The following KCNH5 variants were observed in gnomAD, a reference collection of about 807,000 sequenced individuals.
The protein encoded by KCNH5 is voltage-gated delayed rectifier potassium channel KCNH5.
In KCNH5, 46 loss-of-function variants were observed where a neutral mutation model predicts 96.1. The observed-to-expected ratio is 0.48, with a 90% CI of 0.38 to 0.61. KCNH5 has a LOEUF of 0.61. Among genes scored for constraint, KCNH5 ranks in the 20% least tolerant of loss-of-function variants. The pLI, the probability that KCNH5 is intolerant of heterozygous loss-of-function variation, is 0.00. For synonymous variants in KCNH5, 439 were observed against 449.8 expected, an observed-to-expected ratio of 0.98 and a Z score of 0.30; for missense variants, 907 against 1,225.8, an observed-to-expected ratio of 0.74 and a Z score of 3.88.
At chr14:62,832,740 C>A (rs1887381435) in intron 8 of KCNH5, among the ~76,000 whole-genome samples, 1 of 152,104 alleles carries the variant, frequency 6.6e-6, no homozygotes, top group African/African-American at 2.4e-5. Context: ...TATAAGCATT[C>A]CAGTTTCTCT....
intron 2 of KCNH5, among the ~76,000 whole-genome samples, chr14:63,008,201 G>A (rs1024076360): frequency 2.0e-5 from 3 of 152,044 alleles, no homozygotes; most frequent in Admixed American, 2.0e-4. Context: ...CCAAAGTGTG[G>A]TGGAGGCTGA....
intron 6 of KCNH5, among the ~76,000 whole-genome samples, chr14:62,964,059 TGAA>T (rs749725432): frequency 1.3e-5 from 2 of 152,112 alleles, no homozygotes; most frequent in Non-Finnish European, 2.9e-5. Flanking sequence ...GTGAGATACA[TGAA>T]GAAGGAGTTC....
At chr14:62,768,570 CT>C (rs1338351810) in intron 10 of KCNH5, among the ~76,000 whole-genome samples, 26 of 152,096 alleles carry the variant, frequency 1.7e-4, no homozygotes, top group African/African-American at 5.8e-4. Context: ...AAACAAATGT[CT>C]CAAATAGATT....
chr14:62,712,496 T>C, intron 10 of KCNH5: 1 of 611,746 alleles, frequency 1.6e-6, no homozygotes, highest in Non-Finnish European at 2.9e-6. Flanking sequence ...TTAAGTGGTT[T>C]CCCTTAGGTC....
intron 1 of KCNH5, among the ~76,000 whole-genome samples, chr14:63,024,289 C>T (rs1594680666): frequency 6.6e-6 from 1 of 151,496 alleles, no homozygotes; most frequent in East Asian, 1.9e-4. Context: ...CAATAAAAAT[C>T]GTTTTTAGAG....
At chr14:63,010,914 G>A (rs993252190) in intron 2 of KCNH5, among the ~76,000 whole-genome samples, 4 of 152,078 alleles carry the variant, frequency 2.6e-5, no homozygotes, top group Non-Finnish European at 4.4e-5. Flanking sequence ...AATGTGCAAC[G>A]GTGTGTCTAG....
chr14:62,868,498 C>T (rs936622585), intron 7 of KCNH5, among the ~76,000 whole-genome samples: 3 of 152,154 alleles, frequency 2.0e-5, no homozygotes, highest in African/African-American at 7.2e-5. Flanking sequence ...TTTATGGTCT[C>T]ATGATCATTC....
Position 62,736,889 on chromosome 14 carries a change from C to T in KCNH5, c.2020-28434G>A, listed in dbSNP as rs148116291. On this transcript the variant is annotated intron_variant, in intron 10 of 10. Transcript: ENST00000322893. The stretch of plus-strand genomic sequence containing the variant: ...AAGACTACACCTTTTGACCTTATAT[C>T]CCACTGTTTACTCCTTTCTCACCAC... Among the ~76,000 whole-genome samples, 1,348 of 152,264 alleles carry T rather than the reference C, an allele frequency of 8.9e-3. 12 individuals carry two copies. The highest frequency in any genetic ancestry group is 0.011 in the Non-Finnish European group (737 of 68,012).
intron 10 of KCNH5, among the ~76,000 whole-genome samples, chr14:62,754,384 T>G (rs1386272374): frequency 6.6e-6 from 1 of 151,430 alleles, no homozygotes; most frequent in African/African-American, 2.4e-5. Flanking sequence ...CAGAAGTAAG[T>G]CCTTACTTAT....
chr14:63,013,711 G>A (rs1891272116), intron 2 of KCNH5, among the ~76,000 whole-genome samples: 1 of 151,794 alleles, frequency 6.6e-6, no homozygotes, highest in Non-Finnish European at 1.5e-5. Context: ...CTGCTTGGGG[G>A]GTGCTTTTGG....
chr14:62,838,368 G>A (rs956424732), intron 8 of KCNH5, among the ~76,000 whole-genome samples: 5 of 152,098 alleles, frequency 3.3e-5, no homozygotes, highest in African/African-American at 4.8e-5. Flanking sequence ...GTTTCTAGGA[G>A]TGGAATCTCT....
intron 7 of KCNH5, among the ~76,000 whole-genome samples, chr14:62,922,741 G>C (rs1046451452): frequency 1.3e-5 from 2 of 151,828 alleles, no homozygotes; most frequent in South Asian, 2.1e-4. Context: ...AAAAACATTT[G>C]ACATATTTAT....
intron 6 of KCNH5, among the ~76,000 whole-genome samples, chr14:62,978,603 G>T (rs1386204638): frequency 6.8e-6 from 1 of 147,326 alleles, no homozygotes; most frequent in South Asian, 2.1e-4. Flanking sequence ...AAAAAAAAAA[G>T]AAAGAAAATT....
intron 7 of KCNH5, among the ~76,000 whole-genome samples, chr14:62,945,412 G>A (rs1224783608): frequency 6.6e-6 from 1 of 152,100 alleles, no homozygotes; most frequent in Non-Finnish European, 1.5e-5. Flanking sequence ...GATCTAACTG[G>A]GATGGATTCA....
chr14:62,723,370 G>A (rs1489838833), intron 10 of KCNH5, among the ~76,000 whole-genome samples: 1 of 151,964 alleles, frequency 6.6e-6, no homozygotes, highest in Non-Finnish European at 1.5e-5. Context: ...ATTATCTTCT[G>A]GAAAGACTTA....
At chr14:62,970,940 T>C (rs1171143890) in intron 6 of KCNH5, among the ~76,000 whole-genome samples, 1 of 152,042 alleles carries the variant, frequency 6.6e-6, no homozygotes, top group Non-Finnish European at 1.5e-5. Flanking sequence ...GCTTTCCTAT[T>C]AAGATCAGGA....
chr14:62,885,155 C>T (rs767716403), intron 7 of KCNH5, among the ~76,000 whole-genome samples: 10 of 152,270 alleles, frequency 6.6e-5, no homozygotes, highest in South Asian at 4.1e-4. Context: ...TGAAATCCCA[C>T]CAATTTTTTT....
chr14:62,945,295 T>C (rs1204277413), intron 7 of KCNH5, among the ~76,000 whole-genome samples: 1 of 152,054 alleles, frequency 6.6e-6, no homozygotes, highest in Non-Finnish European at 1.5e-5. Context: ...AAGGAATGAC[T>C]ACACCCCCAA....
At chr14:62,847,153 T>A (rs113341975) in intron 8 of KCNH5, among the ~76,000 whole-genome samples, 14,737 of 147,022 alleles carry the variant, frequency 0.1, 1,076 homozygotes, top group African/African-American at 0.21. Context: ...TATATATTTT[T>A]TATATATATA....
Sources: gnomAD v4.1 joint callset for allele counts (sites outside exome capture counted in the v4.1 genomes callset) on GRCh38, gnomAD v4.1.1 for gene constraint, MANE v1.5 for transcripts, NCBI Gene and HGNC (gene_info 2026-07-23, HGNC 2026-07-21) for gene names.